Variants in APBA1 observed in about 807,000 individuals in gnomAD.
APBA1 encodes amyloid beta precursor protein binding family A member 1, also known as amyloid-beta A4 precursor protein-binding family A member 1.
In APBA1, 55 loss-of-function variants were observed where a neutral mutation model predicts 86.6. The observed-to-expected ratio is 0.64, with a 90% CI of 0.51 to 0.80. The LOEUF is 0.80. Ranked by LOEUF, APBA1 falls within the 30% of genes least tolerant of loss-of-function variation. The pLI is 0.00. For synonymous variants in APBA1, 511 were observed against 493.9 expected (o/e 1.03, Z -0.46); for missense variants, 1,090 against 1,183.0 (o/e 0.92, Z 1.15).
chr9:69,445,029 G>A (rs1259519279), intron 10 of APBA1, among the ~76,000 whole-genome samples: 1 of 152,212 alleles, frequency 6.6e-6, no homozygotes, highest in African/African-American at 2.4e-5. Context: ...CAACCCTTCA[G>A]GCAAAGCCAC....
chr9:69,618,954 C>A (rs1277161815), intron 1 of APBA1, among the ~76,000 whole-genome samples: 1 of 152,146 alleles, frequency 6.6e-6, no homozygotes, highest in Non-Finnish European at 1.5e-5. Flanking sequence ...AATATCTACC[C>A]CATGGGCTGT....
chr9:69,636,854 AGGGAGG>A (rs1564098859), intron 1 of APBA1, among the ~76,000 whole-genome samples: 1 of 82,550 alleles, frequency 1.2e-5, no homozygotes, highest in African/African-American at 4.8e-5. Context: ...GGAGGGAGGG[AGGGAGG>A]GAGGGAGAGA....
intron 1 of APBA1, among the ~76,000 whole-genome samples, chr9:69,659,909 A>G (rs1057002612): frequency 3.9e-5 from 6 of 152,222 alleles, no homozygotes; most frequent in African/African-American, 1.4e-4. Context: ...AGCTGACTTA[A>G]TTGTTCCTTT....
At chr9:69,538,927 A>T (rs975809252) in intron 1 of APBA1, among the ~76,000 whole-genome samples, 8 of 152,048 alleles carry the variant, frequency 5.3e-5, no homozygotes, top group African/African-American at 1.9e-4. Context: ...TGAGTTCCAT[A>T]TTGCAATATC....
chr9:69,519,403 G>A (rs1220820510), intron 1 of APBA1, among the ~76,000 whole-genome samples: 3 of 152,110 alleles, frequency 2.0e-5, no homozygotes, highest in Non-Finnish European at 2.9e-5. Context: ...GGCCTCCAGT[G>A]GATTATAAGA....
intron 2 of APBA1, among the ~76,000 whole-genome samples, chr9:69,481,240 A>C (rs1402452783): frequency 6.6e-6 from 1 of 152,044 alleles, no homozygotes; most frequent in Non-Finnish European, 1.5e-5. Context: ...GTCTCAGCCC[A>C]AAATCTCCTT....
At chr9:69,520,744 C>T (rs533578870) in intron 1 of APBA1, among the ~76,000 whole-genome samples, 1 of 152,244 alleles carries the variant, frequency 6.6e-6, no homozygotes, top group South Asian at 2.1e-4. Flanking sequence ...ACCAGCCACC[C>T]ACTGAATCAT....
intron 8 of APBA1, 93 bp downstream of exon 8, chr9:69,456,154 T>C (rs1835092433): frequency 7.5e-7 from 1 of 1,336,858 alleles, no homozygotes; most frequent in Non-Finnish European, 1.1e-6. Flanking sequence ...GCACAATAAA[T>C]ACATGCATCA....
At chr9:69,525,460 A>G (rs890581712) in intron 1 of APBA1, among the ~76,000 whole-genome samples, 3 of 152,098 alleles carry the variant, frequency 2.0e-5, no homozygotes, top group Non-Finnish European at 4.4e-5. Flanking sequence ...GAGCCAAATC[A>G]ATAACTCAAT....
At chr9:69,537,379 G>GT (rs1384605782) in intron 1 of APBA1, among the ~76,000 whole-genome samples, 1 of 151,982 alleles carries the variant, frequency 6.6e-6, no homozygotes, top group Admixed American at 6.6e-5. Context: ...TTTTCACTGG[G>GT]ACAGCTGTCA....
chr9:69,559,710 T>C (rs1486545319), intron 1 of APBA1, among the ~76,000 whole-genome samples: 2 of 152,256 alleles, frequency 1.3e-5, no homozygotes, highest in Non-Finnish European at 2.9e-5. Flanking sequence ...GTTGAACTGC[T>C]ATTCCTTTGA....
chr9:69,607,260 A>C (rs1324177102), intron 1 of APBA1, among the ~76,000 whole-genome samples: 1 of 152,232 alleles, frequency 6.6e-6, no homozygotes, highest in Non-Finnish European at 1.5e-5. Flanking sequence ...AAGGAAGAGC[A>C]AAGGGATGTC....
chr9:69,650,541 A>G (rs1156539359), intron 1 of APBA1, among the ~76,000 whole-genome samples: 2 of 152,246 alleles, frequency 1.3e-5, no homozygotes, highest in Admixed American at 6.5e-5. Flanking sequence ...AAAACAAACA[A>G]AATATCTGTT....
intron 10 of APBA1, among the ~76,000 whole-genome samples, chr9:69,443,767 T>C (rs1309852093): frequency 6.6e-6 from 1 of 152,194 alleles, no homozygotes; most frequent in Non-Finnish European, 1.5e-5. Context: ...TTCAATCCTA[T>C]GTCTGTCCGC....
At chr9:69,551,186 T>C (rs1422231441) in intron 1 of APBA1, among the ~76,000 whole-genome samples, 1 of 152,220 alleles carries the variant, frequency 6.6e-6, no homozygotes, top group Non-Finnish European at 1.5e-5. Context: ...CACGGCTGCT[T>C]TGTTAACACT....
At chr9:69,457,167 A>C in intron 6 of APBA1, 28 bp from the exon 7 acceptor site, 1 of 1,584,446 alleles carries the variant, frequency 6.3e-7, no homozygotes, top group Non-Finnish European at 8.7e-7. Flanking sequence ...ACCAAGAGAA[A>C]GTTTGACCAC....
rs1327708229 is a variant in APBA1, at chr9:69,566,090, C to T, written c.-69-48811G>A. Reference sequence around the variant, plus strand: ...AGGGCCCTTGCCTGGCCAGCCTCCGCTCATTCTCCAGAACTCAGCCAAAAA... The same window carrying T: ...AGGGCCCTTGCCTGGCCAGCCTCCGTTCATTCTCCAGAACTCAGCCAAAAA... On this transcript the variant is annotated intron_variant, in intron 1 of 12. Transcript: ENST00000265381. Among the ~76,000 whole-genome samples, 3 of 152,246 alleles carry T rather than the reference C, an allele frequency of 2.0e-5. No homozygotes were observed. In the East Asian group the frequency reaches 5.8e-4, roughly 29 times the overall value.
In APBA1 at chr9:69,427,925, TGC is replaced by T; in HGVS notation, c.*3400_*3401del. On this transcript the variant is annotated 3_prime_UTR_variant, in exon 13 of 13. Coordinates refer to ENST00000265381, the MANE Select transcript of APBA1 (RefSeq NM_001163.4). ...GTACAAGTTCATACTCTAGGTGCTGTGCTAAGTATGTACAAGAAATGTCATTC... is the reference window on the plus strand; with the variant it reads ...GTACAAGTTCATACTCTAGGTGCTGTTAAGTATGTACAAGAAATGTCATTC... 1 of 152,298 alleles carries T rather than the reference TGC, an allele frequency of 6.6e-6. No individual in the cohort carries two copies. The highest frequency in any genetic ancestry group is 6.5e-5 in the Admixed American group (1 of 15,294). 9.4% of individuals were successfully genotyped at this position (152,298 alleles called of 1,614,324 possible). A position where few individuals can be genotyped will look rare whatever the true frequency, so the allele number is the denominator to read the frequency against.
At chr9:69,586,652 C>A (rs566911384) in intron 1 of APBA1, among the ~76,000 whole-genome samples, 31 of 152,298 alleles carry the variant, frequency 2.0e-4, no homozygotes, top group Non-Finnish European at 3.8e-4. Context: ...TTACACAGCC[C>A]TTGTTTTCCT....
Sources: gnomAD v4.1 joint callset for allele counts (sites outside exome capture counted in the v4.1 genomes callset) on GRCh38, gnomAD v4.1.1 for gene constraint, MANE v1.5 for transcripts, NCBI Gene and HGNC (gene_info 2026-07-23, HGNC 2026-07-21) for gene names.